The following DLG2 variants were observed in gnomAD, a reference collection of about 807,000 sequenced individuals.
DLG2 encodes disks large homolog 2.
DLG2 carries 45 observed loss-of-function variants against 132.5 expected under a neutral mutation model. The observed-to-expected ratio is 0.34, with a 90% CI of 0.27 to 0.44. The LOEUF (loss-of-function observed/expected upper bound fraction) is 0.44, where lower values mean the gene tolerates loss of function less well. Ranked by LOEUF, DLG2 falls within the 20% of genes least tolerant of loss-of-function variation. DLG2 has a pLI of 1.00. For missense variants in DLG2, 1,045 were observed against 1,196.9 expected, an observed-to-expected ratio of 0.87 and a Z score of 1.87; for synonymous variants, 424 against 419.6, an observed-to-expected ratio of 1.01 and a Z score of -0.13.
intron 7 of DLG2, among the ~76,000 whole-genome samples, chr11:84,288,834 AAGTC>A (rs1286590366): frequency 6.6e-6 from 1 of 152,138 alleles, no homozygotes; most frequent in Non-Finnish European, 1.5e-5. Flanking sequence ...ACATAATTAA[AAGTC>A]AGTTAATGTA....
chr11:85,076,431 A>C (rs1227915361), intron 6 of DLG2, among the ~76,000 whole-genome samples: 2 of 152,008 alleles, frequency 1.3e-5, no homozygotes, highest in East Asian at 3.9e-4. Flanking sequence ...TAACTTTCTA[A>C]ACTTTATTCA....
At chr11:83,644,556 T>C (rs565618321) in intron 18 of DLG2, among the ~76,000 whole-genome samples, 1 of 152,210 alleles carries the variant, frequency 6.6e-6, no homozygotes, top group South Asian at 2.1e-4. Context: ...TGTGTTCCTA[T>C]TTATCATATT....
At chr11:84,115,640 C>T (rs2093599094) in intron 9 of DLG2, among the ~76,000 whole-genome samples, 1 of 152,154 alleles carries the variant, frequency 6.6e-6, no homozygotes, top group African/African-American at 2.4e-5. Flanking sequence ...TGTATTTGCT[C>T]TTATATCTAC....
At chr11:84,978,468 C>G (rs1005392587) in intron 6 of DLG2, among the ~76,000 whole-genome samples, 8 of 152,158 alleles carry the variant, frequency 5.3e-5, no homozygotes, top group Admixed American at 1.3e-4. Flanking sequence ...GAGACATAGA[C>G]CAATGGAACA....
intron 9 of DLG2, among the ~76,000 whole-genome samples, chr11:84,102,508 G>C (rs1209838994): frequency 6.6e-6 from 1 of 152,134 alleles, no homozygotes; most frequent in African/African-American, 2.4e-5. Context: ...TAAAAAAGTA[G>C]AAAGCTCAGG....
chr11:83,762,490 T>G (rs1018162717), intron 18 of DLG2, among the ~76,000 whole-genome samples: 1 of 152,256 alleles, frequency 6.6e-6, no homozygotes, highest in African/African-American at 2.4e-5. Flanking sequence ...TATATAGATT[T>G]TGTCAACACA....
chr11:83,628,006 T>C (rs1239916114), intron 19 of DLG2, among the ~76,000 whole-genome samples: 1 of 152,256 alleles, frequency 6.6e-6, no homozygotes, highest in Non-Finnish European at 1.5e-5. Context: ...GCTGCATAAA[T>C]GTCTTCTTTT....
At chr11:83,584,518 TA>T (rs2097047336) in intron 19 of DLG2, among the ~76,000 whole-genome samples, 1 of 152,200 alleles carries the variant, frequency 6.6e-6, no homozygotes, top group Non-Finnish European at 1.5e-5. Context: ...ACTGGAATAT[TA>T]GTTGGTTGAA....
At chr11:83,648,715 C>G (rs2069051830) in intron 18 of DLG2, among the ~76,000 whole-genome samples, 1 of 152,066 alleles carries the variant, frequency 6.6e-6, no homozygotes, top group Non-Finnish European at 1.5e-5. Flanking sequence ...CACCACCATC[C>G]CCAGCCCTGA....
At position 84,062,965 on chromosome 11, in the gene DLG2, G is replaced by A. The variant is rs145350371; in HGVS notation, c.750-3481C>T. On this transcript the variant is annotated intron_variant, in intron 10 of 27. Coordinates refer to ENST00000376104, the MANE Select transcript of DLG2 (RefSeq NM_001142699.3). ...AGCCACCAACTGTATTCATTTTGAA[G>A]CATGTAAGTATATAATTAGCTTCAA... Among the ~76,000 whole-genome samples, 681 of 152,206 alleles carry A rather than the reference G, an allele frequency of 4.5e-3. 4 individuals carry two copies. The highest frequency in any genetic ancestry group is 6.4e-3 in the Non-Finnish European group (436 of 68,012).
At chr11:84,299,323 T>C (rs1169143180) in intron 7 of DLG2, among the ~76,000 whole-genome samples, 1 of 152,218 alleles carries the variant, frequency 6.6e-6, no homozygotes, top group Non-Finnish European at 1.5e-5. Flanking sequence ...ATATTCATAA[T>C]GGATTGAAGA....
intron 6 of DLG2, among the ~76,000 whole-genome samples, chr11:84,672,754 A>G (rs543789703): frequency 1.3e-5 from 2 of 152,238 alleles, no homozygotes; most frequent in East Asian, 3.9e-4. Context: ...CTCTTGGGCC[A>G]TGACGTGATC....
intron 6 of DLG2, among the ~76,000 whole-genome samples, chr11:85,036,596 C>T (rs1378908222): frequency 6.6e-6 from 1 of 152,066 alleles, no homozygotes; most frequent in East Asian, 1.9e-4. Flanking sequence ...AAAACAAATG[C>T]CTATAATAAC....
Position 83,786,701 on chromosome 11 carries a change from T to C in DLG2, c.1814A>G (p.Tyr605Cys). Residue 605 changes from tyrosine to cysteine, a missense_variant, in exon 18 of 28, where the codon TAT (tyrosine) becomes TGT (cysteine). Tyr to Cys is a radical substitution (Grantham distance 194). This residue lies in a region of DLG2 where 398 missense variants were observed against 543.6 expected (regional missense o/e 0.73). Coordinates refer to ENST00000376104, the MANE Select transcript of DLG2 (RefSeq NM_001142699.3). ...AGQTVTIIAQ[Y>C]QPEDYARFEA... ...GAGTTCTGACTGACCTTCAGGTTGA[T>C]ATTGTGCTATAATCGTCACTGTCTG... 1 of 1,614,008 alleles carries C rather than the reference T, an allele frequency of 6.2e-7. No homozygotes were observed.
chr11:83,725,836 C>T (rs17481934), intron 18 of DLG2, among the ~76,000 whole-genome samples: 6,269 of 152,206 alleles, frequency 0.041, 186 homozygotes, highest in Middle Eastern at 0.1. Flanking sequence ...TTTGATTAAG[C>T]GGAGCTCAGA....
intron 22 of DLG2, chr11:83,480,614 T>G: frequency 6.4e-7 from 1 of 1,557,408 alleles, no homozygotes; most frequent in East Asian, 2.4e-5. Context: ...CGCTGCTTGA[T>G]TGCTGTTTCT....
chr11:84,832,359 T>C (rs1340177452), intron 6 of DLG2, among the ~76,000 whole-genome samples: 1 of 151,674 alleles, frequency 6.6e-6, no homozygotes, highest in Admixed American at 6.6e-5. Context: ...AAGTACATTT[T>C]ACAGGTAATA....
intron 4 of DLG2, among the ~76,000 whole-genome samples, chr11:85,269,364 T>A (rs1472256240): frequency 1.3e-5 from 2 of 152,150 alleles, no homozygotes; most frequent in Non-Finnish European, 2.9e-5. Context: ...CCAGATTAGA[T>A]CAAATTAAAT....
intron 9 of DLG2, among the ~76,000 whole-genome samples, chr11:84,119,258 C>T (rs575346282): frequency 1.7e-4 from 26 of 152,110 alleles, no homozygotes; most frequent in African/African-American, 5.8e-4. Flanking sequence ...AACCTTATTA[C>T]CCAAATACCG....
Sources: gnomAD v4.1 joint callset for allele counts (sites outside exome capture counted in the v4.1 genomes callset) on GRCh38, gnomAD v4.1.1 for gene constraint, gnomAD v4.1.1 regional missense constraint, MANE v1.5 for transcripts, NCBI Gene and HGNC (gene_info 2026-07-23, HGNC 2026-07-21) for gene names.